Variants in MTMR10 observed in about 807,000 individuals in gnomAD.
The protein encoded by MTMR10 is myotubularin related protein 10, also known as myotubularin-related protein 10.
MTMR10 carries 56 observed loss-of-function variants against 88.1 expected under a neutral mutation model. The observed-to-expected ratio is 0.64, with a 90% CI of 0.51 to 0.79. The LOEUF is 0.79. MTMR10 is among the 30% of genes least tolerant of loss of function. The pLI is 0.00. For synonymous variants in MTMR10, 380 were observed against 340.9 expected, an observed-to-expected ratio of 1.11 and a Z score of -1.26; for missense variants, 883 against 924.7, an observed-to-expected ratio of 0.95 and a Z score of 0.58.
rs754557310 is a variant in MTMR10, at chr15:30,943,058, G to C, written c.1563C>G (p.Ser521Arg). ...RVKQSTEFAI[S>R]KNIQLGDEKG... ...TCTCATCACCCAATTGGATGTTTTT[G>C]CTTATAGCAAATTCCTGCAAAATAA... The change falls in exon 15 of 16, where the codon AGC becomes AGG. Residue 521 changes from serine (S) to arginine (R), a missense_variant. By Grantham distance (110) the Ser-to-Arg change is moderately radical (BLOSUM62 -1). This residue lies in a region of MTMR10 where 343 missense variants were observed against 323.2 expected (regional missense o/e 1.06). Transcript: ENST00000435680. 1.3e-6 allele frequency: 2 copies of C among 1,532,210 alleles called. No individual in the cohort carries two copies. Among genetic ancestry groups the C allele is most frequent in the Non-Finnish European group, 1.8e-6 (2 of 1,142,018 alleles). 94.9% of individuals were successfully genotyped at this position (1,532,210 alleles called of 1,614,324 possible). A position where few individuals can be genotyped will look rare whatever the true frequency, so the allele number is the denominator to read the frequency against.
chr15:30,961,033 T>C lies in MTMR10; in HGVS notation c.606A>G (p.Gly202=). The C allele has an allele frequency of 6.4e-7, 1 of 1,560,412 alleles. No individual in the cohort carries two copies. The highest frequency in any genetic ancestry group is 8.7e-7 in the Non-Finnish European group (1 of 1,151,464). Residue 202 remains glycine, a synonymous_variant, in exon 7 of 16, where the codon GGA becomes GGG. Transcript: ENST00000435680. ...CAGCTCCATTACCTCCTCCTCCTCC[T>C]CCTCCTCCATCTCCTGAGGGAATTC... The part of the protein sequence containing the change: ...INGIPSGDGG[G]GGGGGNGAGG...
At chr15:30,983,595 G>A (rs751120454) in intron 2 of MTMR10, among the ~76,000 whole-genome samples, 4 of 152,154 alleles carry the variant, frequency 2.6e-5, no homozygotes, top group African/African-American at 9.7e-5. Flanking sequence ...AAAGTCTCAC[G>A]GCACACGTGG....
downstream of MTMR10, among the ~76,000 whole-genome samples, chr15:30,935,099 A>T (rs547609887): frequency 6.6e-6 from 1 of 152,112 alleles, no homozygotes; most frequent in South Asian, 2.1e-4. Flanking sequence ...TGGGCTCAGG[A>T]GTTGGAGACC....
At chr15:30,955,339 C>T (rs190090516) in intron 9 of MTMR10, among the ~76,000 whole-genome samples, 47 of 152,294 alleles carry the variant, frequency 3.1e-4, no homozygotes, top group South Asian at 1.2e-3. Flanking sequence ...GGCACCATCT[C>T]GGCTCACTGC....
At position 30,966,081 on chromosome 15, in the gene MTMR10, G is replaced by A. The variant is rs951376471; in HGVS notation, c.565+1839C>T. ...AGGATATTAAAGGATGTTACCCTAC[G>A]AGGAATCTTAACAAAACTATGGCCA... On this transcript the variant is annotated intron_variant, in intron 6 of 15. Transcript: ENST00000435680. 18 of 453,038 alleles carry A rather than the reference G, an allele frequency of 4.0e-5. No homozygotes were observed. The Middle Eastern group carries it at 1.3e-3, about 33-fold the overall frequency. 28.1% of individuals were successfully genotyped at this position (453,038 alleles called of 1,614,324 possible).
At chr15:30,955,982 AAAAC>A (rs1480876941) in intron 9 of MTMR10, among the ~76,000 whole-genome samples, 4 of 72,916 alleles carry the variant, frequency 5.5e-5, no homozygotes, top group Non-Finnish European at 1.1e-4. Flanking sequence ...TTAAAAAAAC[AAAAC>A]AAAACCCTGC....
At chr15:30,954,548 A>C (rs977095083) in intron 10 of MTMR10, among the ~76,000 whole-genome samples, 3 of 151,914 alleles carry the variant, frequency 2.0e-5, no homozygotes, top group African/African-American at 7.3e-5. Context: ...AATTTAATAC[A>C]CTCATTTTTC....
chr15:30,941,962 T>TG lies in MTMR10; in HGVS notation c.1841dup (p.Asp615ArgfsTer12), dbSNP rs1263347360. The TG allele has an allele frequency of 6.2e-7, 1 of 1,613,936 alleles. No individual in the cohort carries two copies. Among genetic ancestry groups the TG allele is most frequent in the African/African-American group, 1.3e-5 (1 of 74,940 alleles). On this transcript the variant is annotated frameshift_variant, in exon 16 of 16. Transcript: ENST00000435680. LOFTEE classifies it low-confidence loss of function (END_TRUNC). ...GGCTGTCGGTTTGCTGAGCTGGATC[T>TG]GGCTTTGGTTTTAATATCAATGAAT... is the stretch of plus-strand genomic sequence containing the variant.
At chr15:30,926,239 C>T in the MTMR10 span, among the ~76,000 whole-genome samples, 9 of 152,346 alleles carry the variant, frequency 5.9e-5, no homozygotes, top group South Asian at 1.0e-3. Context: ...CTCAACCCCA[C>T]GGACACCCAC....
chr15:30,937,091 TAAC>T (rs777879441), downstream of MTMR10: 4 of 1,599,258 alleles, frequency 2.5e-6, no homozygotes, highest in South Asian at 2.3e-5. Context: ...AAGATACTAA[TAAC>T]AACTTTTAAA....
intron 7 of MTMR10, among the ~76,000 whole-genome samples, chr15:30,959,949 A>C (rs975789915): frequency 1.3e-5 from 2 of 152,246 alleles, no homozygotes; most frequent in Non-Finnish European, 2.9e-5. Context: ...CACTTCTAGA[A>C]GATCCCCTAG....
intron 9 of MTMR10, 138 bp downstream of exon 9, chr15:30,958,725 A>G: frequency 1.3e-6 from 1 of 791,836 alleles, no homozygotes; most frequent in Non-Finnish European, 2.0e-6. Flanking sequence ...TCTTTTCAAA[A>G]TGGCAATTCT....
intron 12 of MTMR10, among the ~76,000 whole-genome samples, chr15:30,951,724 T>G (rs1434225394): frequency 6.6e-6 from 1 of 152,194 alleles, no homozygotes; most frequent in Non-Finnish European, 1.5e-5. Context: ...GATCTCAAAC[T>G]TCTGACCTCA....
chr15:30,929,902 TAA>T, the MTMR10 span, among the ~76,000 whole-genome samples: 8 of 75,700 alleles, frequency 1.1e-4, 2 homozygotes, highest in East Asian at 4.6e-3. Flanking sequence ...ATATAATATA[TAA>T]AATATATAAT....
chr15:30,929,510 G>A, the MTMR10 span: 1 of 563,186 alleles, frequency 1.8e-6, no homozygotes, highest in Non-Finnish European at 3.0e-6. Context: ...ATACATGTAT[G>A]TGTGTGCATA....
chr15:30,961,111 C>T (rs2063396102), intron 6 of MTMR10, 38 bp from the exon 7 acceptor site: 2 of 1,516,110 alleles, frequency 1.3e-6, no homozygotes, highest in Non-Finnish European at 1.8e-6. Flanking sequence ...TTAACAGTCA[C>T]ATTTTCCCCA....
rs367710900 is a variant in MTMR10, at chr15:30,961,142, C to T, written c.566-69G>A. On this transcript the variant is annotated intron_variant, in intron 6 of 15. Coordinates refer to ENST00000435680, the MANE Select transcript of MTMR10 (RefSeq NM_017762.3). ...CCCCAGCATTCCCTCTTCTCTGAGC[C>T]TCCTGTCACATGCATACTCTGATGT... The T allele has an allele frequency of 1.7e-5, 25 of 1,489,108 alleles. No individual in the cohort carries two copies. The South Asian group carries it at 2.1e-4, about 13-fold the overall frequency. 92.2% of individuals were successfully genotyped at this position (1,489,108 alleles called of 1,614,324 possible). A position where few individuals can be genotyped will look rare whatever the true frequency, so the allele number is the denominator to read the frequency against.
downstream of MTMR10, among the ~76,000 whole-genome samples, chr15:30,934,059 C>T (rs1212122687): frequency 1.3e-5 from 2 of 152,092 alleles, no homozygotes; most frequent in African/African-American, 2.4e-5. Context: ...TTTCTTCTTG[C>T]GTTTCTATCA....
intron 4 of MTMR10, 95 bp from the exon 5 acceptor site, chr15:30,974,551 T>A: frequency 3.4e-6 from 4 of 1,173,098 alleles, no homozygotes; most frequent in Non-Finnish European, 4.5e-6. Flanking sequence ...AATTGGAAGG[T>A]CACCCAACAT....
Sources: allele counts gnomAD v4.1 joint callset (sites outside exome capture counted in the v4.1 genomes callset), GRCh38; gene constraint gnomAD v4.1.1; regional missense constraint gnomAD v4.1.1; transcripts MANE v1.5; gene names NCBI Gene and HGNC (gene_info 2026-07-23, HGNC 2026-07-21).